DLGAP2: variants seen among roughly 807,000 people sequenced by gnomAD.
DLGAP2 encodes DLG associated protein 2.
DLGAP2 carries 26 observed loss-of-function variants against 100.3 expected under a neutral mutation model. That is an observed-to-expected ratio of 0.26 (90% CI 0.19 to 0.36). DLGAP2 has a LOEUF of 0.36. Ranked by LOEUF, DLGAP2 falls within the 10% of genes least tolerant of loss-of-function variation. DLGAP2 has a pLI of 1.00. For synonymous variants in DLGAP2, 886 were observed against 630.1 expected (o/e 1.41, Z -6.08); for missense variants, 1,858 against 1,453.2 (o/e 1.28, Z -4.53).
chr8:775,231 A>T (rs910295098), intron 1 of DLGAP2, among the ~76,000 whole-genome samples: 4 of 152,164 alleles, frequency 2.6e-5, no homozygotes, highest in Admixed American at 6.5e-5. Flanking sequence ...GTTGCTTATC[A>T]GCTTAAGGAG....
intron 2 of DLGAP2, among the ~76,000 whole-genome samples, chr8:953,471 C>T (rs57201669): frequency 0.028 from 4,295 of 152,262 alleles, 206 homozygotes; most frequent in African/African-American, 0.097. Flanking sequence ...GGATTACAGG[C>T]GTGAGCCACC....
chr8:1,358,081 G>A (rs193013331), intron 3 of DLGAP2, among the ~76,000 whole-genome samples: 8 of 152,296 alleles, frequency 5.3e-5, no homozygotes, highest in Non-Finnish European at 8.8e-5. Context: ...GCGTCAGAAC[G>A]CAGCCCCCTC....
intron 3 of DLGAP2, among the ~76,000 whole-genome samples, chr8:1,269,926 C>T (rs1799545112): frequency 6.6e-6 from 1 of 152,214 alleles, no homozygotes; most frequent in African/African-American, 2.4e-5. Flanking sequence ...ATCTCCTCTT[C>T]ATGGACCGTG....
At chr8:769,854 C>T (rs112826721) in intron 1 of DLGAP2, among the ~76,000 whole-genome samples, 1,627 of 152,160 alleles carry the variant, frequency 0.011, 25 homozygotes, top group African/African-American at 0.038. Flanking sequence ...GGACATGTTA[C>T]GGAAAACATG....
At chr8:1,058,209 C>T (rs893187199) in intron 2 of DLGAP2, among the ~76,000 whole-genome samples, 6 of 151,890 alleles carry the variant, frequency 4.0e-5, no homozygotes, top group Non-Finnish European at 7.4e-5. Flanking sequence ...GGGGTGTGGC[C>T]GGATTGACTA....
rs142449335 is a variant in DLGAP2, at chr8:810,510, A to G, written c.18+72685A>G. 2.8e-3 allele frequency among the ~76,000 whole-genome samples: 425 copies of G among 152,344 alleles called. 3 individuals carry two copies. Among genetic ancestry groups the G allele is most frequent in the African/African-American group, 9.8e-3 (409 of 41,578 alleles). On this transcript the variant is annotated intron_variant, in intron 1 of 14. Coordinates refer to ENST00000637795, the MANE Select transcript of DLGAP2 (RefSeq NM_001346810.2). ...TTGCCACCTATTGTTTTCGAAGTAC[A>G]TTCTATAAATGAAACTTCATTACAC...
intron 3 of DLGAP2, among the ~76,000 whole-genome samples, chr8:1,427,663 T>G (rs1476026607): frequency 6.6e-6 from 1 of 152,202 alleles, no homozygotes. Flanking sequence ...TGAATGAGTC[T>G]CATGAGATCT....
Position 1,703,071 on chromosome 8 carries a change from C to T in DLGAP2, c.*1665C>T. ...GCGCCCTCCAGAGCTGCGGTGTCTC[C>T]CTGCCTCATTCCCCACATCCCACTG... On this transcript the variant is annotated 3_prime_UTR_variant, in exon 15 of 15. Coordinates refer to ENST00000637795, the MANE Select transcript of DLGAP2 (RefSeq NM_001346810.2). 6.5e-6 allele frequency: 1 copy of T among 152,798 alleles called. No homozygotes were observed. Among genetic ancestry groups the T allele is most frequent in the Non-Finnish European group, 1.5e-5 (1 of 68,066 alleles). 9.5% of individuals were successfully genotyped at this position (152,798 alleles called of 1,614,324 possible). A position where few individuals can be genotyped will look rare whatever the true frequency, so the allele number is the denominator to read the frequency against.
At chr8:1,119,316 A>G (rs1795979346) in intron 2 of DLGAP2, among the ~76,000 whole-genome samples, 1 of 152,232 alleles carries the variant, frequency 6.6e-6, no homozygotes, top group African/African-American at 2.4e-5. Flanking sequence ...AAAATATTTT[A>G]GTGTCCAGCG....
At position 810,018 on chromosome 8, in the gene DLGAP2, T is replaced by G. The variant is rs569193661; in HGVS notation, c.18+72193T>G. ...TAACTCTGCACCTGACAATCTGCTCTAACTCCTCCTCTCAGCAGGGCTCAG... is the reference window on the plus strand; with the variant it reads ...TAACTCTGCACCTGACAATCTGCTCGAACTCCTCCTCTCAGCAGGGCTCAG... On this transcript the variant is annotated intron_variant, in intron 1 of 14. Transcript: ENST00000637795. 6.8e-4 allele frequency among the ~76,000 whole-genome samples: 103 copies of G among 152,360 alleles called. 1 individual carries two copies. Among genetic ancestry groups the G allele is most frequent in the African/African-American group, 2.4e-3 (99 of 41,586 alleles).
chr8:1,563,337 T>C (rs1376716962), intron 5 of DLGAP2, among the ~76,000 whole-genome samples: 1 of 33,516 alleles, frequency 3.0e-5, no homozygotes, highest in African/African-American at 1.3e-4. Flanking sequence ...GGGGGCTGTG[T>C]GGTTTTGGGG....
intron 4 of DLGAP2, among the ~76,000 whole-genome samples, chr8:1,524,020 C>T (rs1440343971): frequency 2.0e-5 from 3 of 152,188 alleles, no homozygotes; most frequent in Non-Finnish European, 4.4e-5. Flanking sequence ...ATCAGCTGTG[C>T]TGTGTGTGCT....
chr8:959,898 G>C (rs1244535026), intron 2 of DLGAP2, among the ~76,000 whole-genome samples: 2 of 152,116 alleles, frequency 1.3e-5, no homozygotes, highest in African/African-American at 2.4e-5. Context: ...GGCAAATTGA[G>C]TGAACAGCTG....
At chr8:1,075,765 C>T (rs187630673) in intron 2 of DLGAP2, among the ~76,000 whole-genome samples, 86 of 152,084 alleles carry the variant, frequency 5.7e-4, no homozygotes, top group African/African-American at 2.0e-3. Context: ...GCAGATGGTT[C>T]TTTGTAAAGA....
chr8:1,017,557 C>T (rs200007280), intron 2 of DLGAP2, among the ~76,000 whole-genome samples: 6 of 123,278 alleles, frequency 4.9e-5, no homozygotes, highest in Admixed American at 7.8e-5. Flanking sequence ...GATGCCTCCA[C>T]TGTGTGTGTG....
intron 2 of DLGAP2, among the ~76,000 whole-genome samples, chr8:945,141 C>G (rs1799288223): frequency 6.6e-6 from 1 of 152,174 alleles, no homozygotes; most frequent in African/African-American, 2.4e-5. Flanking sequence ...CAAAACACCC[C>G]TAAGAACCAT....
At chr8:1,233,899 G>C (rs1798589089) in intron 2 of DLGAP2, among the ~76,000 whole-genome samples, 1 of 152,192 alleles carries the variant, frequency 6.6e-6, no homozygotes, top group Non-Finnish European at 1.5e-5. Flanking sequence ...GTATATGGAG[G>C]ATAATAATTG....
intron 1 of DLGAP2, among the ~76,000 whole-genome samples, chr8:815,748 CA>C (rs1281446613): frequency 1.3e-5 from 2 of 152,126 alleles, no homozygotes; most frequent in African/African-American, 4.8e-5. Flanking sequence ...AAGACATTTT[CA>C]GACTTGGCAA....
intron 2 of DLGAP2, among the ~76,000 whole-genome samples, chr8:1,197,899 G>C (rs943063137): frequency 5.3e-5 from 8 of 152,176 alleles, no homozygotes; most frequent in Non-Finnish European, 1.2e-4. Context: ...CTCTCATGGG[G>C]AATGAGTGGA....
Sources: gnomAD v4.1 joint callset for allele counts (sites outside exome capture counted in the v4.1 genomes callset) on GRCh38, gnomAD v4.1.1 for gene constraint, MANE v1.5 for transcripts, NCBI Gene and HGNC (gene_info 2026-07-23, HGNC 2026-07-21) for gene names.